ADGRV1: variants seen among roughly 807,000 people sequenced by gnomAD.
ADGRV1 encodes G-protein coupled receptor 98.
A neutral mutation model predicts 596.2 loss-of-function variants in ADGRV1; 359 were observed. That is an observed-to-expected ratio of 0.60 (90% CI 0.55 to 0.66). The LOEUF is 0.66. Among genes scored for constraint, ADGRV1 ranks in the 30% least tolerant of loss-of-function variants. ADGRV1 has a pLI of 0.00. For missense variants in ADGRV1, 7,274 were observed against 7,575.6 expected (o/e 0.96, Z 1.48); for synonymous variants, 2,681 against 2,679.2 (o/e 1.00, Z -0.02).
Position 90,810,618 on chromosome 5 carries a change from G to A in ADGRV1, c.15358G>A (p.Ala5120Thr). The change falls in exon 74 of 90, where the codon GCA becomes ACA. Residue 5120 changes from alanine to threonine, a missense_variant. Ala to Thr is a moderately conservative substitution (Grantham distance 58). Coordinates refer to ENST00000405460, the MANE Select transcript of ADGRV1 (RefSeq NM_032119.4). Reference sequence around the variant, plus strand: ...ACGCCTGAATCTAGATTTCAGTGTTGCAGTGATTACAATATTGGATAATGA... The same window carrying A: ...ACGCCTGAATCTAGATTTCAGTGTTACAGTGATTACAATATTGGATAATGA... Reference protein sequence around the residue: ...SPRLNLDFSVAVITILDNDDL... With the variant: ...SPRLNLDFSVTVITILDNDDL... The A allele has an allele frequency of 6.2e-7, 1 of 1,613,932 alleles. No homozygotes were observed. Among genetic ancestry groups the A allele is most frequent in the African/African-American group, 1.3e-5 (1 of 75,044 alleles).
intron 86 of ADGRV1, among the ~76,000 whole-genome samples, chr5:91,090,375 C>G (rs1790282124): frequency 2.6e-5 from 4 of 151,948 alleles, no homozygotes; most frequent in Admixed American, 2.6e-4. Context: ...TTATATATAG[C>G]TTTTGCAAGG....
intron 85 of ADGRV1, chr5:91,031,295 C>A (rs1784462585): frequency 2.7e-6 from 4 of 1,503,442 alleles, no homozygotes; most frequent in Admixed American, 1.7e-5. Context: ...TCATTGATTT[C>A]AAACATAGTA....
At chr5:90,697,709 T>A (rs369047752) in intron 34 of ADGRV1, among the ~76,000 whole-genome samples, 3 of 152,290 alleles carry the variant, frequency 2.0e-5, no homozygotes, top group African/African-American at 7.2e-5. Context: ...AATTCTTACT[T>A]AATATTTTAC....
At chr5:91,053,776 A>G (rs191503146) in intron 85 of ADGRV1, among the ~76,000 whole-genome samples, 3 of 152,270 alleles carry the variant, frequency 2.0e-5, no homozygotes, top group African/African-American at 7.2e-5. Flanking sequence ...CACATTTAAA[A>G]CACTGTCTAA....
Position 90,729,668 on chromosome 5 carries a change from A to T in ADGRV1, c.10453A>T (p.Ile3485Phe), listed in dbSNP as rs1337800751. 1 of 1,606,598 alleles carries T rather than the reference A, an allele frequency of 6.2e-7. No individual in the cohort carries two copies. Among genetic ancestry groups the T allele is most frequent in the Non-Finnish European group, 8.5e-7 (1 of 1,173,914 alleles). ...AGATCAGAATTCAATTGATATTTTC[A>T]TCTGGGAGATGGGACAGTCTTCCTT... The part of the protein sequence containing the change: ...LGDQNSIDIF[I>F]WEMGQSSFRY... Residue 3485 changes from isoleucine to phenylalanine, a missense_variant, in exon 50 of 90, where the codon ATC becomes TTC. By Grantham distance (21) the Ile-to-Phe change is conservative. This residue lies in a region of ADGRV1 where 3,643 missense variants were observed against 3,809.2 expected (regional missense o/e 0.96). Coordinates refer to ENST00000405460, the MANE Select transcript of ADGRV1 (RefSeq NM_032119.4).
At chr5:90,957,961 G>T (rs1042124494) in intron 83 of ADGRV1, among the ~76,000 whole-genome samples, 5 of 151,766 alleles carry the variant, frequency 3.3e-5, no homozygotes, top group African/African-American at 1.2e-4. Context: ...TCCCAATAAT[G>T]CAAGGATGAC....
chr5:90,776,308 A>G, intron 60 of ADGRV1, 145 bp from the exon 61 acceptor site: 2 of 785,598 alleles, frequency 2.5e-6, no homozygotes, highest in Admixed American at 2.0e-5. Context: ...GTCATAGGTA[A>G]AATGAGGATA....
chr5:90,689,871 T>C lies in ADGRV1; in HGVS notation c.6501T>C (p.Tyr2167=). The part of the protein sequence containing the change: ...VPITAIAGED[Y]SIASSDVVLL... ...TTTTGGTCTTTTCAGGTGAAGATTA[T>C]AGTATAGCTTCATCAGATGTGGTCT... The change falls in exon 30 of 90, where the codon TAT becomes TAC. Residue 2167 remains tyrosine, a synonymous_variant. Coordinates refer to ENST00000405460, the MANE Select transcript of ADGRV1 (RefSeq NM_032119.4). 1 of 1,611,068 alleles carries C rather than the reference T, an allele frequency of 6.2e-7. No individual in the cohort carries two copies.
chr5:91,013,599 T>C (rs1782900992), intron 85 of ADGRV1, among the ~76,000 whole-genome samples: 2 of 152,176 alleles, frequency 1.3e-5, no homozygotes, highest in South Asian at 4.1e-4. Context: ...TCATAGATAC[T>C]GAGTATTAGA....
intron 26 of ADGRV1, among the ~76,000 whole-genome samples, chr5:90,680,642 C>T (rs1744814561): frequency 1.3e-5 from 2 of 152,138 alleles, no homozygotes; most frequent in Admixed American, 1.3e-4. Flanking sequence ...ATTTCACTGC[C>T]TTCATTCCTA....
In ADGRV1 at chr5:90,848,975, A is replaced by G. The variant is rs184429180; in HGVS notation, c.17204+154A>G. Among the ~76,000 whole-genome samples the G allele has an allele frequency of 4.6e-5, 7 of 152,342 alleles. No individual in the cohort carries two copies. The East Asian group carries it at 7.7e-4, about 17-fold the overall frequency. ...TTGGAAAGTTGAAGTTAATTATTTG[A>G]AGGAAACATAGCAGGTACATCAAAA... On this transcript the variant is annotated intron_variant, in intron 79 of 89. Transcript: ENST00000405460.
rs140175742 is a variant in ADGRV1, at chr5:91,105,607, T to C, written c.18432+3267T>C. Among the ~76,000 whole-genome samples the C allele has an allele frequency of 2.9e-3, 448 of 152,348 alleles. 2 individuals carry two copies. The highest frequency in any genetic ancestry group is 0.01 in the African/African-American group (436 of 41,586). On this transcript the variant is annotated intron_variant, in intron 87 of 89. Coordinates refer to ENST00000405460, the MANE Select transcript of ADGRV1 (RefSeq NM_032119.4). ...ATTAGTGATGCTGAGCATTTGTTCA[T>C]ATATTTGTTGGTCATTTGTATAACT... is the stretch of plus-strand genomic sequence containing the variant.
chr5:90,750,732 A>G (rs973411194), intron 53 of ADGRV1, 35 bp downstream of exon 53: 2 of 1,568,982 alleles, frequency 1.3e-6, no homozygotes, highest in Non-Finnish European at 1.8e-6. Context: ...AAACACTTTT[A>G]AATTATGGTT....
rs369945098 is a variant in ADGRV1, at chr5:90,690,746, T to C, written c.6707-51T>C. On this transcript the variant is annotated intron_variant, in intron 30 of 89. Transcript: ENST00000405460. ...TAGGATGGTGCTTGGTTAACTGTTA[T>C]CTCTGTTTCACTTTGTATTTGAAAT... 2.2e-5 allele frequency: 34 copies of C among 1,547,518 alleles called. No individual in the cohort carries two copies. The East Asian group carries it at 4.9e-4, about 22-fold the overall frequency.
At chr5:90,952,382 T>C (rs1013600232) in intron 83 of ADGRV1, among the ~76,000 whole-genome samples, 5 of 152,220 alleles carry the variant, frequency 3.3e-5, no homozygotes, top group African/African-American at 1.2e-4. Flanking sequence ...TTAGTTATCT[T>C]TGTGCCCTTT....
Position 90,745,653 on chromosome 5 carries a change from A to G in ADGRV1, c.10832A>G (p.Asp3611Gly), listed in dbSNP as rs2149916740. ...REATIAVNILDDTVPEKEESF... is the reference protein window; with the variant it reads ...REATIAVNILGDTVPEKEESF... ...GCTACAATAGCAGTAAATATCCTTG[A>G]TGATACAGTTCCAGAAAAAGAAGAA... is the stretch of plus-strand genomic sequence containing the variant. Residue 3611 changes from aspartate to glycine, a missense_variant, in exon 52 of 90, where the codon GAT (aspartate) becomes GGT (glycine). By Grantham distance (94) the Asp-to-Gly change is moderately conservative. This residue lies in a region of ADGRV1 where 3,643 missense variants were observed against 3,809.2 expected (regional missense o/e 0.96). Coordinates refer to ENST00000405460, the MANE Select transcript of ADGRV1 (RefSeq NM_032119.4). 4 of 1,613,050 alleles carry G rather than the reference A, an allele frequency of 2.5e-6. No individual in the cohort carries two copies. Among genetic ancestry groups the G allele is most frequent in the East Asian group, 2.2e-5 (1 of 44,838 alleles).
At chr5:90,649,445 G>GA (rs1438807748) in intron 17 of ADGRV1, among the ~76,000 whole-genome samples, 3 of 152,108 alleles carry the variant, frequency 2.0e-5, no homozygotes, top group Non-Finnish European at 2.9e-5. Context: ...AATAGTGAAT[G>GA]AATCAAAACA....
intron 82 of ADGRV1, among the ~76,000 whole-genome samples, chr5:90,859,047 C>T (rs1225481161): frequency 6.6e-6 from 1 of 152,186 alleles, no homozygotes; most frequent in Non-Finnish European, 1.5e-5. Context: ...TACAGAGAGA[C>T]AAGCACTGAA....
chr5:90,761,900 G>C (rs1022116972), intron 58 of ADGRV1, among the ~76,000 whole-genome samples: 26 of 152,128 alleles, frequency 1.7e-4, no homozygotes, highest in African/African-American at 6.3e-4. Flanking sequence ...TATCACAAAA[G>C]TTTCTTGGTA....
Sources: allele counts gnomAD v4.1 joint callset (sites outside exome capture counted in the v4.1 genomes callset), GRCh38; gene constraint gnomAD v4.1.1; regional missense constraint gnomAD v4.1.1; transcripts MANE v1.5; gene names NCBI Gene and HGNC (gene_info 2026-07-23, HGNC 2026-07-21).